The following CPNE4 variants were observed in gnomAD, a reference collection of about 807,000 sequenced individuals.
CPNE4 encodes copine 4.
CPNE4 carries 25 observed loss-of-function variants against 67.9 expected under a neutral mutation model. The observed-to-expected ratio is 0.37, with a 90% CI of 0.27 to 0.51. The LOEUF (loss-of-function observed/expected upper bound fraction) is 0.51, where lower values mean the gene tolerates loss of function less well. CPNE4 is among the 20% of genes least tolerant of loss of function. The pLI, the probability that CPNE4 is intolerant of heterozygous loss-of-function variation, is 0.93. For synonymous variants in CPNE4, 242 were observed against 244.9 expected, an observed-to-expected ratio of 0.99 and a Z score of 0.11; for missense variants, 464 against 690.8, an observed-to-expected ratio of 0.67 and a Z score of 3.68.
intron 2 of CPNE4, among the ~76,000 whole-genome samples, chr3:131,899,207 G>A (rs766483960): frequency 3.3e-5 from 5 of 151,996 alleles, no homozygotes; most frequent in Non-Finnish European, 5.9e-5. Context: ...ACGCCTCCAG[G>A]GGCCACTTTT....
At chr3:131,783,677 A>G (rs1479261659) in intron 2 of CPNE4, among the ~76,000 whole-genome samples, 1 of 151,966 alleles carries the variant, frequency 6.6e-6, no homozygotes, top group African/African-American at 2.4e-5. Flanking sequence ...TCCTCTTATT[A>G]AGTTCATTTT....
chr3:131,951,710 G>C (rs1057181279), intron 1 of CPNE4, among the ~76,000 whole-genome samples: 2 of 152,202 alleles, frequency 1.3e-5, no homozygotes, highest in Non-Finnish European at 2.9e-5. Context: ...CTGCAAGCGC[G>C]TGCCGCCACG....
chr3:131,549,965 AG>A lies in CPNE4; in HGVS notation c.1283del (p.Thr428IlefsTer13). On this transcript the variant is annotated frameshift_variant, in exon 14 of 16. Transcript: ENST00000429747. LOFTEE classifies it high-confidence loss of function. ...TCCTTACCGATGCCTCCTTGGTGTT[AG>A]TTTCCTCTGACGCTGACTTGGCAAC... Reference protein sequence around the residue: ...QKVAKSASEETNTKEASQYFI... With the variant: ...QKVAKSASEEXNTKEASQYFI... 1 of 1,613,082 alleles carries A rather than the reference AG, an allele frequency of 6.2e-7. No individual in the cohort carries two copies. Among genetic ancestry groups the A allele is most frequent in the Non-Finnish European group, 8.5e-7 (1 of 1,179,344 alleles).
At chr3:131,986,849 A>C (rs527967371) in intron 1 of CPNE4, among the ~76,000 whole-genome samples, 139 of 124,756 alleles carry the variant, frequency 1.1e-3, no homozygotes, top group African/African-American at 3.8e-3. Flanking sequence ...AAAACAAAAA[A>C]AAACAAAAAC....
chr3:131,860,774 C>T (rs986081970), intron 2 of CPNE4, among the ~76,000 whole-genome samples: 1 of 152,118 alleles, frequency 6.6e-6, no homozygotes, highest in Non-Finnish European at 1.5e-5. Context: ...GTGTGCCAAT[C>T]AATGCAAACA....
At chr3:131,669,373 C>G (rs2080346054) in intron 7 of CPNE4, among the ~76,000 whole-genome samples, 1 of 152,122 alleles carries the variant, frequency 6.6e-6, no homozygotes, top group East Asian at 1.9e-4. Flanking sequence ...TGATATGACA[C>G]TATTTTCATT....
intron 1 of CPNE4, among the ~76,000 whole-genome samples, chr3:131,978,077 A>AT (rs1560719936): frequency 2.9e-5 from 1 of 34,056 alleles, no homozygotes; most frequent in Non-Finnish European, 4.9e-5. Flanking sequence ...AAATATATAT[A>AT]AATATATATA....
chr3:132,020,791 C>T (rs1427070617), intron 1 of CPNE4, among the ~76,000 whole-genome samples: 2 of 152,180 alleles, frequency 1.3e-5, no homozygotes, highest in African/African-American at 4.8e-5. Context: ...CATCACAGGA[C>T]ACTGTTAACC....
chr3:131,812,717 C>T (rs1377746012), intron 2 of CPNE4, among the ~76,000 whole-genome samples: 1 of 152,162 alleles, frequency 6.6e-6, no homozygotes, highest in Non-Finnish European at 1.5e-5. Context: ...GAGTAAGTTA[C>T]AGCTGAGAGG....
At chr3:131,798,531 A>C (rs571188342) in intron 2 of CPNE4, among the ~76,000 whole-genome samples, 19 of 152,334 alleles carry the variant, frequency 1.2e-4, no homozygotes, top group African/African-American at 4.6e-4. Context: ...ATGTATACCT[A>C]CAGTGTTATG....
intron 2 of CPNE4, among the ~76,000 whole-genome samples, chr3:131,773,351 A>ATTGTTTAT (rs1553768675): frequency 6.5e-4 from 98 of 151,406 alleles, no homozygotes; most frequent in African/African-American, 2.3e-3. Context: ...AGTTTTATTT[A>ATTGTTTAT]TTATTTATTT....
chr3:131,554,647 C>T (rs1182985536), intron 12 of CPNE4, among the ~76,000 whole-genome samples: 1 of 152,048 alleles, frequency 6.6e-6, no homozygotes, highest in Non-Finnish European at 1.5e-5. Flanking sequence ...GGGGAAAGCC[C>T]TTTATATGAT....
intron 1 of CPNE4, among the ~76,000 whole-genome samples, chr3:131,974,653 G>A (rs2072596460): frequency 1.3e-5 from 2 of 152,110 alleles, no homozygotes; most frequent in African/African-American, 2.4e-5. Flanking sequence ...TCTGTGAACA[G>A]GGCCAAGCCT....
chr3:131,834,565 A>G (rs1240875181), intron 2 of CPNE4, among the ~76,000 whole-genome samples: 2 of 152,174 alleles, frequency 1.3e-5, no homozygotes, highest in Non-Finnish European at 2.9e-5. Context: ...AGGACAATCA[A>G]TAACTATTTG....
intron 5 of CPNE4, among the ~76,000 whole-genome samples, chr3:131,695,472 C>G (rs911866811): frequency 6.6e-6 from 1 of 152,182 alleles, no homozygotes; most frequent in African/African-American, 2.4e-5. Context: ...ACTAGAGGTA[C>G]TTAAGAGCAT....
intron 2 of CPNE4, among the ~76,000 whole-genome samples, chr3:131,811,247 A>G (rs1228501190): frequency 8.6e-5 from 13 of 152,044 alleles, no homozygotes; most frequent in Non-Finnish European, 1.8e-4. Context: ...AAACTTTAGG[A>G]GATGATGCAT....
At chr3:131,632,994 T>A (rs2079273035) in intron 7 of CPNE4, among the ~76,000 whole-genome samples, 2 of 152,064 alleles carry the variant, frequency 1.3e-5, no homozygotes, top group Non-Finnish European at 1.5e-5. Flanking sequence ...CTACTCTAAC[T>A]CTCCATTTCT....
At chr3:132,025,462 CAG>C (rs1203607668) in intron 1 of CPNE4, among the ~76,000 whole-genome samples, 1 of 151,984 alleles carries the variant, frequency 6.6e-6, no homozygotes, top group Non-Finnish European at 1.5e-5. Context: ...TGAGTAGGAA[CAG>C]AGAGAGAGGA....
At chr3:131,739,345 C>A (rs1047400152) in intron 2 of CPNE4, among the ~76,000 whole-genome samples, 2 of 152,178 alleles carry the variant, frequency 1.3e-5, no homozygotes, top group Admixed American at 6.5e-5. Flanking sequence ...ACCTGCCTAC[C>A]CTGCCTTGTC....
Sources: allele counts gnomAD v4.1 joint callset (sites outside exome capture counted in the v4.1 genomes callset), GRCh38; gene constraint gnomAD v4.1.1; transcripts MANE v1.5; gene names NCBI Gene and HGNC (gene_info 2026-07-23, HGNC 2026-07-21).